Variants in PCDHA7 observed in about 807,000 individuals in gnomAD.
PCDHA7 encodes the protein protocadherin alpha-7.
In PCDHA7, 37 loss-of-function variants were observed where a neutral mutation model predicts 57.2. The observed-to-expected ratio is 0.65, with a 90% CI of 0.50 to 0.85. PCDHA7 has a LOEUF of 0.85. Among genes scored for constraint, PCDHA7 ranks in the 40% least tolerant of loss-of-function variants. The pLI, the probability that PCDHA7 is intolerant of heterozygous loss-of-function variation, is 0.00. For synonymous variants in PCDHA7, 553 were observed against 558.8 expected (o/e 0.99, Z 0.15); for missense variants, 1,188 against 1,241.8 (o/e 0.96, Z 0.65).
intron 1 of PCDHA7, among the ~76,000 whole-genome samples, chr5:140,911,719 G>C (rs1184939092): frequency 6.6e-6 from 1 of 151,412 alleles, no homozygotes; most frequent in African/African-American, 2.5e-5. Context: ...GTGTAACTCT[G>C]TAAACAGTTC....
chr5:141,000,618 G>A (rs1354281260), intron 3 of PCDHA7, among the ~76,000 whole-genome samples: 1 of 150,858 alleles, frequency 6.6e-6, no homozygotes, highest in Non-Finnish European at 1.5e-5. Flanking sequence ...AGTAGAGACA[G>A]GGTTTCACCA....
chr5:140,948,959 C>T (rs1315047565), intron 1 of PCDHA7, among the ~76,000 whole-genome samples: 13 of 151,622 alleles, frequency 8.6e-5, no homozygotes, highest in South Asian at 6.2e-4. Context: ...ATTAAAGCCA[C>T]GAATTTATTA....
At chr5:140,892,950 C>G (rs553307667) in intron 1 of PCDHA7, among the ~76,000 whole-genome samples, 21 of 152,188 alleles carry the variant, frequency 1.4e-4, no homozygotes, top group Non-Finnish European at 2.9e-4. Context: ...AATACTACTT[C>G]CATGAGCTCA....
At position 140,858,524 on chromosome 5, in the gene PCDHA7, T is replaced by C. The variant is rs1562538927; in HGVS notation, c.2355+21786T>C. 9 of 1,408,436 alleles carry C rather than the reference T, an allele frequency of 6.4e-6. 1 individual carries two copies. Among genetic ancestry groups the C allele is most frequent in the Admixed American group, 2.0e-5 (1 of 49,940 alleles). The allele number at this position is 1,408,436 out of a possible 1,614,324, so 87.2% of individuals were successfully genotyped here. A position where few individuals can be genotyped will look rare whatever the true frequency, so the allele number is the denominator to read the frequency against. On this transcript the variant is annotated intron_variant, in intron 1 of 3. Coordinates refer to ENST00000525929, the MANE Select transcript of PCDHA7 (RefSeq NM_018910.3). ...TTTCTCAAATATGTATCAGAATATT[T>C]CATTTTTGTCTACATTCCATTTATG...
intron 1 of PCDHA7, among the ~76,000 whole-genome samples, chr5:140,951,950 G>A (rs1408300368): frequency 6.6e-6 from 1 of 152,120 alleles, no homozygotes; most frequent in Non-Finnish European, 1.5e-5. Flanking sequence ...GCGGGTACAG[G>A]CATTGGGTAA....
intron 1 of PCDHA7, among the ~76,000 whole-genome samples, chr5:140,907,247 T>C (rs1328809549): frequency 1.3e-5 from 2 of 152,216 alleles, no homozygotes; most frequent in Non-Finnish European, 2.9e-5. Context: ...GACATTGTAA[T>C]TGTGACTTCA....
chr5:140,952,113 G>T (rs2094688731), intron 1 of PCDHA7, among the ~76,000 whole-genome samples: 1 of 151,990 alleles, frequency 6.6e-6, no homozygotes. Flanking sequence ...TCGTGTGAGG[G>T]ATGGGCTCCC....
rs2150499938 is a variant in PCDHA7 at position 140,850,836 on chromosome 5, G to A, written c.2355+14098G>A. ...CAGCCCGGGCCTTTCTCCTTGTGCT[G>A]GATCTACAGAGCGAACGGGAGAACC... is the stretch of plus-strand genomic sequence containing the variant. On this transcript the variant is annotated intron_variant, in intron 1 of 3. Coordinates refer to ENST00000525929, the MANE Select transcript of PCDHA7 (RefSeq NM_018910.3). The A allele has an allele frequency of 1.2e-5, 19 of 1,597,640 alleles. 1 individual carries two copies. Among genetic ancestry groups the A allele is most frequent in the South Asian group, 3.3e-5 (3 of 90,540 alleles).
At chr5:140,877,374 A>T in intron 1 of PCDHA7, 1 of 1,613,970 alleles carries the variant, frequency 6.2e-7, no homozygotes, top group African/African-American at 1.3e-5. Flanking sequence ...TCAGCACGAC[A>T]CGCATCCTGG....
rs114871325 is a variant in PCDHA7, at chr5:140,841,052, T to C, written c.2355+4314T>C. 3.2e-3 allele frequency: 1,400 copies of C among 431,624 alleles called. 26 individuals carry two copies. The highest frequency in any genetic ancestry group is 0.026 in the African/African-American group (1,290 of 50,274). 26.7% of individuals were successfully genotyped at this position (431,624 alleles called of 1,614,324 possible). ...AATTGATAAAGTTAAGGATTTACTA[T>C]TAAATTATGATAAAGAAATAGAAAG... On this transcript the variant is annotated intron_variant, in intron 1 of 3. Transcript: ENST00000525929.
At chr5:140,914,097 A>G (rs191641220) in intron 1 of PCDHA7, among the ~76,000 whole-genome samples, 38 of 152,298 alleles carry the variant, frequency 2.5e-4, no homozygotes, top group Admixed American at 9.2e-4. Flanking sequence ...AATTTGTTCT[A>G]TAGTGCAGAT....
intron 2 of PCDHA7, 118 bp downstream of exon 2, chr5:140,979,125 C>A (rs782380399): frequency 8.7e-5 from 128 of 1,479,726 alleles, no homozygotes; most frequent in Non-Finnish European, 1.0e-4. Flanking sequence ...GGTACTTTGC[C>A]AGGAAAATGC....
intron 1 of PCDHA7, among the ~76,000 whole-genome samples, chr5:140,922,354 A>G (rs1208856231): frequency 6.6e-6 from 1 of 152,220 alleles, no homozygotes; most frequent in Non-Finnish European, 1.5e-5. Flanking sequence ...TTTCTAGAGT[A>G]GTGATTCTCA....
At chr5:140,850,197 C>T (rs2150472731) in intron 1 of PCDHA7, 3 of 1,593,590 alleles carry the variant, frequency 1.9e-6, no homozygotes, top group Admixed American at 1.7e-5. Flanking sequence ...GCTGCTGACA[C>T]CTCGGATGAG....
At chr5:140,962,191 T>C (rs2095664022) in intron 1 of PCDHA7, among the ~76,000 whole-genome samples, 1 of 152,210 alleles carries the variant, frequency 6.6e-6, no homozygotes, top group African/African-American at 2.4e-5. Flanking sequence ...ATCACTTTTA[T>C]GCTTCCTATC....
rs2150250945 is a variant in PCDHA7 at position 140,836,022 on chromosome 5, A to G, written c.1639A>G (p.Ser547Gly). 3.1e-6 allele frequency: 5 copies of G among 1,613,430 alleles called. No homozygotes were observed. In the South Asian group the frequency reaches 5.5e-5, roughly 18 times the overall value. The change falls in exon 1 of 4, where the codon AGC becomes GGC. Residue 547 changes from serine to glycine, a missense_variant. Ser to Gly is a moderately conservative substitution (Grantham distance 56). Transcript: ENST00000525929. Reference protein sequence around the residue: ...ARDAGVPPLGSNVTLQVFVLD... With the variant: ...ARDAGVPPLGGNVTLQVFVLD... Reference sequence around the variant, plus strand: ...CGATGCGGGCGTGCCGCCTCTGGGCAGCAACGTGACGCTGCAGGTGTTCGT... The same window carrying G: ...CGATGCGGGCGTGCCGCCTCTGGGCGGCAACGTGACGCTGCAGGTGTTCGT...
chr5:140,971,414 AT>A (rs2096477673), intron 1 of PCDHA7, among the ~76,000 whole-genome samples: 1 of 152,166 alleles, frequency 6.6e-6, no homozygotes, highest in African/African-American at 2.4e-5. Flanking sequence ...ACTTTTGGAA[AT>A]CCAGTGAAGA....
At chr5:140,867,070 CA>C (rs1214152735) in intron 1 of PCDHA7, 1 of 152,124 alleles carries the variant, frequency 6.6e-6, no homozygotes, top group Non-Finnish European at 1.5e-5. Flanking sequence ...TATATATTCA[CA>C]AAATACTGTA....
intron 1 of PCDHA7, among the ~76,000 whole-genome samples, chr5:140,886,270 T>A (rs957205805): frequency 2.0e-5 from 3 of 151,996 alleles, no homozygotes; most frequent in Admixed American, 6.5e-5. Flanking sequence ...ATAGATAAAA[T>A]TTTTTAAAAT....
Sources: allele counts gnomAD v4.1 joint callset (sites outside exome capture counted in the v4.1 genomes callset), GRCh38; gene constraint gnomAD v4.1.1; transcripts MANE v1.5; gene names NCBI Gene and HGNC (gene_info 2026-07-23, HGNC 2026-07-21).